Variants in TFDP1 observed in about 807,000 individuals in gnomAD.
The protein encoded by TFDP1 is DRTF1-polypeptide 1.
A neutral mutation model predicts 48.0 loss-of-function variants in TFDP1; 6 were observed. The ratio of observed to expected loss-of-function variants is 0.13; its 90% CI spans 0.07 to 0.25. The LOEUF is 0.25. Ranked by LOEUF, TFDP1 falls within the 10% of genes least tolerant of loss-of-function variation. The pLI is 1.00. For missense variants in TFDP1, 335 were observed against 543.0 expected (o/e 0.62, Z 3.81); for synonymous variants, 201 against 211.6 (o/e 0.95, Z 0.44).
At chr13:113,592,249 G>T (rs959984760) in intron 2 of TFDP1, among the ~76,000 whole-genome samples, 1 of 152,178 alleles carries the variant, frequency 6.6e-6, no homozygotes, top group Non-Finnish European at 1.5e-5. Context: ...TCTGTCTCCC[G>T]GGTTCAAGCG....
chr13:113,621,687 G>A (rs958068521), intron 3 of TFDP1, among the ~76,000 whole-genome samples: 6 of 152,234 alleles, frequency 3.9e-5, no homozygotes, highest in Non-Finnish European at 5.9e-5. Flanking sequence ...TTGGTCTAGC[G>A]GTAACGCCAG....
intron 2 of TFDP1, among the ~76,000 whole-genome samples, chr13:113,588,165 T>A (rs1212994085): frequency 1.3e-5 from 2 of 152,246 alleles, no homozygotes; most frequent in Non-Finnish European, 2.9e-5. Flanking sequence ...GTTAGGTTTT[T>A]AAAAGCACTG....
At chr13:113,616,203 CAAAA>C (rs759656354) in intron 3 of TFDP1, among the ~76,000 whole-genome samples, 3 of 75,082 alleles carry the variant, frequency 4.0e-5, no homozygotes, top group South Asian at 4.2e-4. Context: ...ACTCTGTCTC[CAAAA>C]AAAAAAAAAA....
chr13:113,585,886 G>A (rs1282835981), intron 2 of TFDP1, 37 bp downstream of exon 2: 1 of 1,592,438 alleles, frequency 6.3e-7, no homozygotes, highest in South Asian at 1.1e-5. Context: ...ACGAATGTTT[G>A]CCTCGCACTA....
intron 5 of TFDP1, 143 bp downstream of exon 5, chr13:113,631,887 A>G (rs1476752392): frequency 8.3e-7 from 1 of 1,210,178 alleles, no homozygotes; most frequent in Non-Finnish European, 1.1e-6. Flanking sequence ...ACACTCACCC[A>G]TCATCGTGGC....
At chr13:113,617,659 C>T (rs1476006112) in intron 3 of TFDP1, among the ~76,000 whole-genome samples, 2 of 133,634 alleles carry the variant, frequency 1.5e-5, no homozygotes, top group East Asian at 2.5e-4. Context: ...TGCAGAGCCG[C>T]TCACCTGCAG....
At chr13:113,609,544 C>A (rs780639463) in intron 2 of TFDP1, among the ~76,000 whole-genome samples, 2 of 152,030 alleles carry the variant, frequency 1.3e-5, no homozygotes, top group African/African-American at 4.8e-5. Flanking sequence ...TGAAGATGCC[C>A]AGGAAATTGC....
At chr13:113,636,781 G>GGCTGTGTGAGGAGTGGCCCCCAGCCTC in intron 10 of TFDP1, 81 bp downstream of exon 10, 1 of 1,501,192 alleles carries the variant, frequency 6.7e-7, no homozygotes, top group African/African-American at 1.4e-5. Context: ...CTCCCGGCTC[G>GGCTGTGTGAGGAGTGGCCCCCAGCCTC]GGATGTGTCT....
chr13:113,593,516 G>T (rs2048202523), intron 2 of TFDP1, among the ~76,000 whole-genome samples: 3 of 142,712 alleles, frequency 2.1e-5, no homozygotes, highest in South Asian at 2.2e-4. Context: ...TGCTGTGTGT[G>T]GGTCCTCACC....
intron 3 of TFDP1, among the ~76,000 whole-genome samples, chr13:113,613,321 GTTATT>G (rs1357920857): frequency 6.6e-6 from 1 of 152,182 alleles, no homozygotes; most frequent in African/African-American, 2.4e-5. Flanking sequence ...GCCACACGTG[GTTATT>G]TTAAATTTGC....
At chr13:113,622,729 C>G (rs1049250695) in intron 3 of TFDP1, among the ~76,000 whole-genome samples, 1 of 152,224 alleles carries the variant, frequency 6.6e-6, no homozygotes, top group Admixed American at 6.5e-5. Context: ...AAGGCACACT[C>G]CTTCCTAGGA....
In TFDP1 at chr13:113,636,099, G is replaced by C. The variant is rs761809740; in HGVS notation, c.810G>C (p.Thr270=). 4 of 1,614,180 alleles carry C rather than the reference G, an allele frequency of 2.5e-6. No homozygotes were observed. Among genetic ancestry groups the C allele is most frequent in the South Asian group, 1.1e-5 (1 of 91,086 alleles). The stretch of plus-strand genomic sequence containing the variant: ...TCATCGTCAACACCAGCAAGAAGAC[G>C]GTCATCGACTGCAGCATCTCCAATG... ...PFIIVNTSKK[T]VIDCSISNDK... The change falls in exon 9 of 12, where the codon ACG becomes ACC. Residue 270 remains threonine (T), a synonymous_variant. Coordinates refer to ENST00000375370, the MANE Select transcript of TFDP1 (RefSeq NM_007111.5).
At chr13:113,613,287 T>A (rs552380645) in intron 3 of TFDP1, among the ~76,000 whole-genome samples, 10 of 152,346 alleles carry the variant, frequency 6.6e-5, no homozygotes, top group African/African-American at 2.4e-4. Context: ...GTGCTGGGAT[T>A]ACAGGCGGGA....
chr13:113,589,645 C>T (rs552464356), intron 2 of TFDP1, among the ~76,000 whole-genome samples: 9 of 152,260 alleles, frequency 5.9e-5, no homozygotes, highest in African/African-American at 1.4e-4. Context: ...TGTGGGCTCC[C>T]GTTGCAGGTA....
chr13:113,591,272 C>T lies in TFDP1; in HGVS notation c.12+5423C>T, dbSNP rs192346802. 3.0e-4 allele frequency among the ~76,000 whole-genome samples: 44 copies of T among 148,358 alleles called. No homozygotes were observed. The East Asian group carries it at 8.2e-3, about 28-fold the overall frequency. ...AGGAGAATCGCTTGAACCCGGGAGG[C>T]GGAGGTTGCAGTGAGCCGAGATCAC... On this transcript the variant is annotated intron_variant, in intron 2 of 11. Transcript: ENST00000375370.
At chr13:113,608,101 G>T (rs1449663473) in intron 2 of TFDP1, among the ~76,000 whole-genome samples, 1 of 152,170 alleles carries the variant, frequency 6.6e-6, no homozygotes, top group Non-Finnish European at 1.5e-5. Context: ...TGACTTGCTG[G>T]CATTTCATGG....
chr13:113,599,089 A>T (rs1033297804), intron 2 of TFDP1, among the ~76,000 whole-genome samples: 5 of 152,030 alleles, frequency 3.3e-5, no homozygotes, highest in Non-Finnish European at 5.9e-5. Context: ...GTTTAAATAC[A>T]CATGTACAGT....
chr13:113,633,855 G>T lies in TFDP1; in HGVS notation c.475-35G>T, dbSNP rs773016455. The T allele has an allele frequency of 3.2e-6, 5 of 1,577,812 alleles. No homozygotes were observed. Among genetic ancestry groups the T allele is most frequent in the Non-Finnish European group, 4.3e-6 (5 of 1,162,350 alleles). ...GTTTAAGGATCCACCGGCCTTTTTG[G>T]ATCATTTGGAAACTCCACTCCCTGT... On this transcript the variant is annotated intron_variant, in intron 6 of 11. Transcript: ENST00000375370. This position sits in a 1 kb window ranked among gnomAD's most constrained non-coding sequence, Gnocchi z 4.5.
intron 2 of TFDP1, among the ~76,000 whole-genome samples, chr13:113,591,936 C>T (rs1020392976): frequency 6.6e-6 from 1 of 152,172 alleles, no homozygotes; most frequent in Non-Finnish European, 1.5e-5. Context: ...GTGTGTAGCC[C>T]AAGCCTGGAA....
Sources: allele counts gnomAD v4.1 joint callset (sites outside exome capture counted in the v4.1 genomes callset), GRCh38; gene constraint gnomAD v4.1.1; non-coding constraint Gnocchi (gnomAD v3.1); transcripts MANE v1.5; gene names NCBI Gene and HGNC (gene_info 2026-07-23, HGNC 2026-07-21).